Variants in OTOGL observed in about 807,000 individuals in gnomAD.
OTOGL encodes the protein otogelin-like protein.
In OTOGL, 285 loss-of-function variants were observed where a neutral mutation model predicts 318.5. That is an observed-to-expected ratio of 0.89 (90% confidence interval 0.81 to 0.99). The LOEUF (loss-of-function observed/expected upper bound fraction) is 0.99, where lower values mean the gene tolerates loss of function less well. Among genes scored for constraint, OTOGL ranks in the 50% least tolerant of loss-of-function variants. The pLI is 0.00. For synonymous variants in OTOGL, 987 were observed against 936.5 expected (o/e 1.05, Z -0.99); for missense variants, 2,899 against 2,845.6 (o/e 1.02, Z -0.43).
intron 1 of OTOGL, among the ~76,000 whole-genome samples, chr12:80,180,408 T>C (rs4842278): frequency 0.92 from 139,652 of 152,202 alleles, 64,149 homozygotes; most frequent in East Asian, 1. Flanking sequence ...ATTTTTAATA[T>C]CAAAAGCCCA....
At chr12:80,167,851 G>A (rs1324657845) in intron 1 of OTOGL, among the ~76,000 whole-genome samples, 2 of 152,116 alleles carry the variant, frequency 1.3e-5, no homozygotes, top group African/African-American at 4.8e-5. Context: ...CAAAAAGCCT[G>A]AGAAATTGAA....
At chr12:80,252,325 T>C (rs1881643246) in intron 13 of OTOGL, 124 bp downstream of exon 13, 6 of 1,115,848 alleles carry the variant, frequency 5.4e-6, no homozygotes, top group Non-Finnish European at 7.1e-6. Flanking sequence ...TTTCTGTTCT[T>C]GTAGAAGTTG....
At position 80,238,442 on chromosome 12, in the gene OTOGL, A is replaced by G. The variant is rs1405031782; in HGVS notation, c.818-409A>G. Among the ~76,000 whole-genome samples, 3 of 152,126 alleles carry G rather than the reference A, an allele frequency of 2.0e-5. No homozygotes were observed. In the South Asian group the frequency reaches 6.2e-4, roughly 31 times the overall value. On this transcript the variant is annotated intron_variant, in intron 9 of 58. Coordinates refer to ENST00000547103, the MANE Select transcript of OTOGL (RefSeq NM_001378609.3). ...CAATTTTAATAAGGTTCTTACTAAT[A>G]TTAAATATAATGAGAGAGCTGCCTG...
chr12:80,202,884 T>G (rs571816325), intron 1 of OTOGL, among the ~76,000 whole-genome samples: 1 of 152,302 alleles, frequency 6.6e-6, no homozygotes, highest in African/African-American at 2.4e-5. Context: ...TTTGGTTATT[T>G]AATAGCATGC....
chr12:80,112,864 AG>A (rs1211479887), intron 1 of OTOGL, among the ~76,000 whole-genome samples: 1 of 152,134 alleles, frequency 6.6e-6, no homozygotes, highest in East Asian at 1.9e-4. Context: ...GGTGGAATTC[AG>A]CTGTGAATCT....
At chr12:80,196,314 G>A (rs1876063674) in intron 1 of OTOGL, among the ~76,000 whole-genome samples, 1 of 152,170 alleles carries the variant, frequency 6.6e-6, no homozygotes, top group Non-Finnish European at 1.5e-5. Flanking sequence ...TTTCAACTAT[G>A]CACCTTACAT....
At chr12:80,261,652 T>C (rs1482940865) in intron 18 of OTOGL, among the ~76,000 whole-genome samples, 2 of 152,114 alleles carry the variant, frequency 1.3e-5, no homozygotes, top group South Asian at 4.1e-4. Flanking sequence ...CTTTGATACT[T>C]AGCAGCTTAG....
chr12:80,370,625 A>C lies in OTOGL; in HGVS notation c.6671A>C (p.Glu2224Ala). ...CTTYECVKTD[E>A]GAIILNYTMV... ...ACATATGAATGTGTTAAAACTGATG[A>C]AGGAGCAATAATTCTGAACTACACA... Residue 2224 changes from glutamate to alanine, a missense_variant, in exon 56 of 59, where the codon GAA becomes GCA. Glu to Ala is a moderately radical substitution (Grantham distance 107). Around this residue, in one of 3 missense-constraint regions of OTOGL, gnomAD observed 289 missense variants for 304.6 expected, o/e 0.95. Coordinates refer to ENST00000547103, the MANE Select transcript of OTOGL (RefSeq NM_001378609.3). The C allele has an allele frequency of 6.3e-7, 1 of 1,590,344 alleles. No individual in the cohort carries two copies. The highest frequency in any genetic ancestry group is 2.3e-5 in the East Asian group (1 of 44,004).
At chr12:80,376,197 C>T (rs1033545245) in intron 57 of OTOGL, among the ~76,000 whole-genome samples, 1 of 152,130 alleles carries the variant, frequency 6.6e-6, no homozygotes, top group Admixed American at 6.6e-5. Context: ...AGTAACCCTT[C>T]AGTCAATCTT....
intron 44 of OTOGL, among the ~76,000 whole-genome samples, chr12:80,345,645 T>A (rs1431222055): frequency 6.6e-6 from 1 of 152,140 alleles, no homozygotes; most frequent in African/African-American, 2.4e-5. Context: ...TTAACAGTAA[T>A]GGTCAAGAAG....
At chr12:80,218,795 C>CTTTTTTTTTTTT (rs34204072) in intron 5 of OTOGL, among the ~76,000 whole-genome samples, 12 of 118,238 alleles carry the variant, frequency 1.0e-4, no homozygotes, top group African/African-American at 1.4e-4. Flanking sequence ...CTTTTTCTTT[C>CTTTTTTTTTTTT]TTTTTTTTTT....
intron 7 of OTOGL, among the ~76,000 whole-genome samples, chr12:80,226,177 A>AACACACACACACACACAC (rs35975748): frequency 2.3e-4 from 31 of 132,958 alleles, no homozygotes; most frequent in South Asian, 5.3e-4. Flanking sequence ...TCCTGCTCCT[A>AACACACACACACACACAC]ACACACACAC....
chr12:80,164,734 A>G (rs943667524), intron 1 of OTOGL, among the ~76,000 whole-genome samples: 36 of 152,136 alleles, frequency 2.4e-4, no homozygotes, highest in Non-Finnish European at 4.9e-4. Flanking sequence ...ACACCACTTC[A>G]TGAGCCCATG....
intron 16 of OTOGL, among the ~76,000 whole-genome samples, chr12:80,255,622 G>T (rs2137518731): frequency 6.6e-6 from 1 of 151,874 alleles, no homozygotes; most frequent in South Asian, 2.1e-4. Flanking sequence ...TTTTGAACTG[G>T]TTTCATAGCA....
chr12:80,270,193 G>A (rs969892173), intron 23 of OTOGL, 39 bp downstream of exon 23: 1 of 1,505,788 alleles, frequency 6.6e-7, no homozygotes. Flanking sequence ...TGAGGGTTCA[G>A]CTCTGATACC....
rs563203761 is a variant in OTOGL, at chr12:80,349,351, A to T, written c.5266-2944A>T. Among the ~76,000 whole-genome samples, 727 of 152,310 alleles carry T rather than the reference A, an allele frequency of 4.8e-3. 1 individual carries two copies. The highest frequency in any genetic ancestry group is 0.012 in the South Asian group (57 of 4,830). On this transcript the variant is annotated intron_variant, in intron 44 of 58. Transcript: ENST00000547103. ...TAAGTAGTAGTAGTTGTTACTATTA[A>T]CGCTATTTCACATATGAAGAAACCA...
At chr12:80,333,263 C>T (rs1353441720) in intron 38 of OTOGL, among the ~76,000 whole-genome samples, 185 bp downstream of exon 38, 1 of 151,412 alleles carries the variant, frequency 6.6e-6, no homozygotes, top group Non-Finnish European at 1.5e-5. Context: ...TATTAATTAG[C>T]TTCTAGTCAC....
chr12:80,104,788 CA>C (rs1869357150), intron 1 of OTOGL, among the ~76,000 whole-genome samples: 2 of 152,078 alleles, frequency 1.3e-5, no homozygotes, highest in African/African-American at 4.8e-5. Context: ...TATTATGAAC[CA>C]AAACATACTC....
chr12:80,210,812 AT>A, intron 2 of OTOGL, 34 bp from the exon 3 acceptor site: 71 of 1,345,268 alleles, frequency 5.3e-5, no homozygotes, highest in South Asian at 2.4e-4. Context: ...TATTTGGATA[AT>A]TTTTTTTCAT....
Sources: allele counts gnomAD v4.1 joint callset (sites outside exome capture counted in the v4.1 genomes callset), GRCh38; gene constraint gnomAD v4.1.1; regional missense constraint gnomAD v4.1.1; transcripts MANE v1.5; gene names NCBI Gene and HGNC (gene_info 2026-07-23, HGNC 2026-07-21).